Variants in PAX2 observed in about 807,000 individuals in gnomAD.
PAX2 encodes paired box protein Pax-2.
Under a neutral mutation model 41.7 loss-of-function variants are expected in PAX2, and 9 were observed. That is an observed-to-expected ratio of 0.22 (90% CI 0.13 to 0.38). The LOEUF is 0.38. PAX2 is among the 10% of genes least tolerant of loss of function. PAX2 has a pLI of 1.00. For synonymous variants in PAX2, 221 were observed against 212.7 expected (o/e 1.04, Z -0.34); for missense variants, 418 against 531.6 (o/e 0.79, Z 2.10).
At chr10:100,792,622 G>A (rs1231490165) in intron 5 of PAX2, among the ~76,000 whole-genome samples, 2 of 152,224 alleles carry the variant, frequency 1.3e-5, no homozygotes, top group Non-Finnish European at 2.9e-5. Flanking sequence ...CTCAGAAATT[G>A]CTGACTGTGG....
chr10:100,785,520 T>C (rs1253961938), intron 5 of PAX2, among the ~76,000 whole-genome samples: 1 of 152,224 alleles, frequency 6.6e-6, no homozygotes, highest in Admixed American at 6.5e-5. Context: ...GTTGCATGGC[T>C]GCAGATGGCC....
chr10:100,779,519 G>T lies in PAX2; in HGVS notation c.432G>T (p.Gln144His), dbSNP rs895636918. The change falls in exon 4 of 10, where the codon CAG (glutamine) becomes CAT (histidine). Residue 144 changes from glutamine to histidine, a missense_variant. Gln to His is a conservative substitution (Grantham distance 24). Coordinates refer to ENST00000355243, the MANE Select transcript of PAX2 (RefSeq NM_000278.5). ...GCAGAATCATCCGGACCAAAGTTCA[G>T]CAGCCTTTCCACCCAACGCCGGATG... ...SINRIIRTKV[Q>H]QPFHPTPDGA... The T allele has an allele frequency of 1.3e-6, 2 of 1,596,558 alleles. No homozygotes were observed. Among genetic ancestry groups the T allele is most frequent in the Admixed American group, 3.5e-5 (2 of 57,550 alleles).
chr10:100,789,371 G>A lies in PAX2; in HGVS notation c.616+8006G>A, dbSNP rs574895836. 4.4e-3 allele frequency among the ~76,000 whole-genome samples: 674 copies of A among 152,278 alleles called. 4 individuals are homozygous for A. Among genetic ancestry groups the A allele is most frequent in the African/African-American group, 0.016 (648 of 41,552 alleles). The stretch of plus-strand genomic sequence containing the variant: ...TCCACCCACCTCAGCCTCCCAAAGT[G>A]CTGGGATTACAGGCATGAGCGACTG... On this transcript the variant is annotated intron_variant, in intron 5 of 9. Coordinates refer to ENST00000355243, the MANE Select transcript of PAX2 (RefSeq NM_000278.5).
At chr10:100,815,344 T>A (rs1447736748) in intron 7 of PAX2, among the ~76,000 whole-genome samples, 1 of 152,154 alleles carries the variant, frequency 6.6e-6, no homozygotes, top group Non-Finnish European at 1.5e-5. Context: ...ACAGACATCA[T>A]AGTTCCTCTC....
intron 5 of PAX2, among the ~76,000 whole-genome samples, chr10:100,785,735 G>A (rs890620448): frequency 1.3e-5 from 2 of 152,174 alleles, no homozygotes; most frequent in Non-Finnish European, 2.9e-5. Flanking sequence ...GCAGCAGAAG[G>A]TTGCAAAGAC....
chr10:100,762,740 G>A (rs1237046340), intron 3 of PAX2, among the ~76,000 whole-genome samples: 2 of 152,150 alleles, frequency 1.3e-5, no homozygotes, highest in African/African-American at 4.8e-5. Flanking sequence ...TCACAAATAG[G>A]GGTACATGTA....
At chr10:100,780,242 C>G (rs542319400) in intron 4 of PAX2, among the ~76,000 whole-genome samples, 1 of 152,072 alleles carries the variant, frequency 6.6e-6, no homozygotes, top group Non-Finnish European at 1.5e-5. Flanking sequence ...TTGAGCCATG[C>G]TTAGGGCCTC....
rs150324164 is a variant in PAX2 at position 100,736,620 on chromosome 10, G to A, written c.25+887G>A. On this transcript the variant is annotated intron_variant, in intron 1 of 9. Transcript: ENST00000679374. ...CCCTCCCCCAGCTCAGGTTCCAGTT[G>A]TTTCAGCTGATAACCCAGGTCCCAC... Among the ~76,000 whole-genome samples the A allele has an allele frequency of 5.6e-3, 845 of 151,570 alleles. 12 individuals carry two copies. Among genetic ancestry groups the A allele is most frequent in the African/African-American group, 0.019 (801 of 41,320 alleles).
intron 5 of PAX2, among the ~76,000 whole-genome samples, chr10:100,805,419 G>C (rs890569907): frequency 6.6e-6 from 1 of 152,202 alleles, no homozygotes; most frequent in Non-Finnish European, 1.5e-5. Flanking sequence ...AAGCTGGTAT[G>C]GGGTTTGGGG....
intron 5 of PAX2, among the ~76,000 whole-genome samples, chr10:100,788,333 C>T (rs770414946): frequency 3.9e-5 from 6 of 152,316 alleles, no homozygotes; most frequent in Non-Finnish European, 5.9e-5. Flanking sequence ...GTAAACCAGG[C>T]GTGCCCTGGT....
chr10:100,822,867 C>G (rs115230822), intron 7 of PAX2, among the ~76,000 whole-genome samples: 1,523 of 152,210 alleles, frequency 0.01, 26 homozygotes, highest in South Asian at 0.044. Flanking sequence ...TTAAAAGCCA[C>G]AGAGTTTCAT....
intron 3 of PAX2, among the ~76,000 whole-genome samples, chr10:100,751,742 C>T (rs970276785): frequency 2.0e-5 from 3 of 150,710 alleles, no homozygotes; most frequent in African/African-American, 5.0e-5. Context: ...GCCAATATGC[C>T]TATCTGTGGT....
intron 4 of PAX2, 134 bp from the exon 5 acceptor site, chr10:100,781,112 A>C: frequency 1.2e-6 from 1 of 845,906 alleles, no homozygotes. Flanking sequence ...AAGTAGAGGA[A>C]TGAGAGGAAC....
At chr10:100,775,398 A>C (rs778815746) in intron 3 of PAX2, among the ~76,000 whole-genome samples, 3 of 152,112 alleles carry the variant, frequency 2.0e-5, no homozygotes, top group Non-Finnish European at 4.4e-5. Flanking sequence ...CCATGATCCC[A>C]GTTCTTAAAT....
chr10:100,763,516 T>C (rs2133863054), intron 3 of PAX2, among the ~76,000 whole-genome samples: 1 of 152,184 alleles, frequency 6.6e-6, no homozygotes, highest in Middle Eastern at 3.4e-3. Flanking sequence ...GGAGATCTGG[T>C]GGTTAGAGTA....
intron 5 of PAX2, among the ~76,000 whole-genome samples, chr10:100,794,315 C>T (rs1170481600): frequency 6.6e-6 from 1 of 152,260 alleles, no homozygotes; most frequent in Non-Finnish European, 1.5e-5. Context: ...CCACTCCCTA[C>T]TTGCTCTGGG....
intron 6 of PAX2, among the ~76,000 whole-genome samples, chr10:100,806,883 A>G (rs1485092229): frequency 6.6e-6 from 1 of 152,102 alleles, no homozygotes; most frequent in African/African-American, 2.4e-5. Flanking sequence ...TTCCCCATCT[A>G]TAGAATGAAG....
chr10:100,793,608 C>T (rs1847217102), intron 5 of PAX2, among the ~76,000 whole-genome samples: 1 of 152,166 alleles, frequency 6.6e-6, no homozygotes, highest in Non-Finnish European at 1.5e-5. Flanking sequence ...GTACAATTCC[C>T]CGGGGTTCTA....
At chr10:100,762,835 A>G (rs183386195) in intron 3 of PAX2, among the ~76,000 whole-genome samples, 19 of 152,316 alleles carry the variant, frequency 1.2e-4, no homozygotes, top group African/African-American at 4.6e-4. Context: ...ACACACAGGC[A>G]TGCAGACTTC....
Sources: allele counts gnomAD v4.1 joint callset (sites outside exome capture counted in the v4.1 genomes callset), GRCh38; gene constraint gnomAD v4.1.1; transcripts MANE v1.5; gene names NCBI Gene and HGNC (gene_info 2026-07-23, HGNC 2026-07-21).